Variants in CMIP observed in about 807,000 individuals in gnomAD.
The protein encoded by CMIP is C-Maf-inducing protein.
CMIP carries 13 observed loss-of-function variants against 97.3 expected under a neutral mutation model. The ratio of observed to expected loss-of-function variants is 0.13; its 90% CI spans 0.09 to 0.21. CMIP has a LOEUF of 0.21. CMIP is among the 10% of genes least tolerant of loss of function. The probability of loss-of-function intolerance (pLI) is 1.00; values close to 1 mark genes in which losing one functional copy is unlikely to be tolerated. For missense variants in CMIP, 847 were observed against 1,024.9 expected (o/e 0.83, Z 2.37); for synonymous variants, 538 against 436.3 (o/e 1.23, Z -2.91).
In CMIP at chr16:81,567,251, C is replaced by T. The variant is rs554077024; in HGVS notation, c.301-40316C>T. Among the ~76,000 whole-genome samples the T allele has an allele frequency of 2.4e-3, 368 of 152,370 alleles. 2 individuals are homozygous for T. The highest frequency in any genetic ancestry group is 8.4e-3 in the African/African-American group (349 of 41,588). ...CCGCACCACGGGAGCTTGTGCTGCT[C>T]TCAGGGCAGCTGCAGACTTCCCTGA... On this transcript the variant is annotated intron_variant, in intron 1 of 20. Transcript: ENST00000537098.
intron 3 of CMIP, among the ~76,000 whole-genome samples, chr16:81,638,154 C>T (rs1289889581): frequency 6.6e-6 from 1 of 152,242 alleles, no homozygotes; most frequent in Non-Finnish European, 1.5e-5. Flanking sequence ...CCTGCGCCTC[C>T]TCTGTCTCTC....
intron 3 of CMIP, among the ~76,000 whole-genome samples, chr16:81,635,586 C>T (rs1328947701): frequency 2.0e-5 from 3 of 152,110 alleles, no homozygotes; most frequent in African/African-American, 7.2e-5. Flanking sequence ...CTGTCTGTAT[C>T]GTGTTGGTGC....
intron 1 of CMIP, among the ~76,000 whole-genome samples, chr16:81,456,578 G>A (rs554402695): frequency 3.3e-5 from 5 of 151,800 alleles, no homozygotes; most frequent in African/African-American, 1.2e-4. Flanking sequence ...TAATCCTCAC[G>A]ATGCCCCTGC....
At chr16:81,654,664 G>T (rs549908826) in intron 4 of CMIP, among the ~76,000 whole-genome samples, 1 of 152,286 alleles carries the variant, frequency 6.6e-6, no homozygotes, top group South Asian at 2.1e-4. Flanking sequence ...GACCTCCCCA[G>T]TTTCTCCCAA....
chr16:81,597,056 T>C (rs1189589529), intron 1 of CMIP, among the ~76,000 whole-genome samples: 1 of 152,338 alleles, frequency 6.6e-6, no homozygotes, highest in East Asian at 1.9e-4. Flanking sequence ...CATTCTTCTC[T>C]TGATGGTCAT....
chr16:81,707,192 A>C (rs1250438003), intron 20 of CMIP, 108 bp downstream of exon 20: 7 of 850,954 alleles, frequency 8.2e-6, no homozygotes, highest in Non-Finnish European at 1.4e-5. Flanking sequence ...GGATGATGAC[A>C]TCTACAGATC....
intron 1 of CMIP, among the ~76,000 whole-genome samples, chr16:81,577,201 C>A (rs1399119078): frequency 1.5e-5 from 2 of 129,400 alleles, no homozygotes; most frequent in Non-Finnish European, 3.4e-5. Flanking sequence ...TCATCACCAT[C>A]ATAACCATCA....
chr16:81,628,894 C>G (rs958802971), intron 3 of CMIP, among the ~76,000 whole-genome samples: 2 of 151,840 alleles, frequency 1.3e-5, no homozygotes. Flanking sequence ...CCAGCACTTT[C>G]GGAGGCCGAG....
At chr16:81,668,868 A>ACCTCACACTGCCTTCCACACCCT in intron 7 of CMIP, among the ~76,000 whole-genome samples, 5 of 138,672 alleles carry the variant, frequency 3.6e-5, no homozygotes, top group Admixed American at 3.5e-4. Flanking sequence ...TTCCACACCC[A>ACCTCACACTGCCTTCCACACCCT]CCTCACACTC....
At chr16:81,462,163 C>G (rs554695946) in intron 1 of CMIP, among the ~76,000 whole-genome samples, 2 of 152,164 alleles carry the variant, frequency 1.3e-5, no homozygotes, top group Admixed American at 1.3e-4. Context: ...ATTCTTGTGT[C>G]TGGGTGGATG....
chr16:81,595,254 C>T (rs1252286129), intron 1 of CMIP, among the ~76,000 whole-genome samples: 1 of 152,086 alleles, frequency 6.6e-6, no homozygotes, highest in East Asian at 1.9e-4. Flanking sequence ...CCGTCCCTGC[C>T]CTGGAAACCA....
At chr16:81,670,620 TGG>T (rs10542852) in intron 8 of CMIP, among the ~76,000 whole-genome samples, 47,817 of 99,508 alleles carry the variant, frequency 0.48, 9,696 homozygotes, top group Middle Eastern at 0.61. Context: ...GGGTTTTTTT[TGG>T]GGGGGGGGGG....
chr16:81,563,283 G>A (rs1286211606), intron 1 of CMIP, among the ~76,000 whole-genome samples: 2 of 152,220 alleles, frequency 1.3e-5, no homozygotes, highest in Admixed American at 6.5e-5. Flanking sequence ...CTTGGCTTGG[G>A]GATCATGGGC....
chr16:81,511,221 G>T (rs887751943), intron 1 of CMIP, among the ~76,000 whole-genome samples: 7 of 152,016 alleles, frequency 4.6e-5, no homozygotes. Flanking sequence ...GACTTAAATA[G>T]GAATCTCTAA....
intron 1 of CMIP, among the ~76,000 whole-genome samples, chr16:81,477,711 A>T (rs1908013346): frequency 6.6e-6 from 1 of 152,190 alleles, no homozygotes; most frequent in East Asian, 1.9e-4. Flanking sequence ...AAGTCGTGTG[A>T]GGGTTGCCGT....
intron 1 of CMIP, among the ~76,000 whole-genome samples, chr16:81,458,741 A>G (rs111974069): frequency 2.0e-4 from 30 of 152,246 alleles, no homozygotes; most frequent in African/African-American, 7.0e-4. Flanking sequence ...TTTGATCCAG[A>G]CATTTCATAT....
chr16:81,649,700 A>G (rs1456884742), intron 3 of CMIP, among the ~76,000 whole-genome samples: 2 of 152,248 alleles, frequency 1.3e-5, no homozygotes, highest in African/African-American at 2.4e-5. Flanking sequence ...TTTCAAAAGT[A>G]AATAATGTGC....
chr16:81,698,341 AC>A (rs1483914804), intron 14 of CMIP, among the ~76,000 whole-genome samples: 16 of 152,214 alleles, frequency 1.1e-4, no homozygotes, highest in Non-Finnish European at 1.0e-4. Context: ...ATGCACCAGA[AC>A]AAAAGACCGC....
chr16:81,671,285 G>C (rs1311787143), intron 8 of CMIP, among the ~76,000 whole-genome samples: 1 of 152,220 alleles, frequency 6.6e-6, no homozygotes, highest in Non-Finnish European at 1.5e-5. Context: ...CCCAGTTGTG[G>C]TTTGCAAAAT....
Sources: gnomAD v4.1 joint callset for allele counts (sites outside exome capture counted in the v4.1 genomes callset) on GRCh38, gnomAD v4.1.1 for gene constraint, MANE v1.5 for transcripts, NCBI Gene and HGNC (gene_info 2026-07-23, HGNC 2026-07-21) for gene names.